Variants in MTTP observed in about 807,000 individuals in gnomAD.
The protein encoded by MTTP is microsomal triglyceride transfer protein large subunit.
In MTTP, 49 loss-of-function variants were observed where a neutral mutation model predicts 90.6. That is an observed-to-expected ratio of 0.54 (90% CI 0.43 to 0.69). The LOEUF (loss-of-function observed/expected upper bound fraction) is 0.69, where lower values mean the gene tolerates loss of function less well. Ranked by LOEUF, MTTP falls within the 30% of genes least tolerant of loss-of-function variation. The probability of loss-of-function intolerance (pLI) is 0.00; values close to 1 mark genes in which losing one functional copy is unlikely to be tolerated. For missense variants in MTTP, 945 were observed against 1,067.5 expected (o/e 0.89, Z 1.60); for synonymous variants, 347 against 384.2 (o/e 0.90, Z 1.13).
upstream of MTTP, among the ~76,000 whole-genome samples, chr4:99,571,210 A>G (rs1195311234): frequency 1.3e-5 from 2 of 151,952 alleles, no homozygotes; most frequent in Non-Finnish European, 2.9e-5. Context: ...ACTTCAAATA[A>G]ATTCATATTT....
intron 3 of MTTP, among the ~76,000 whole-genome samples, chr4:99,589,157 G>A (rs924699404): frequency 6.8e-6 from 1 of 146,242 alleles, no homozygotes; most frequent in African/African-American, 2.5e-5. Flanking sequence ...GGGTATTATG[G>A]CCATGCCTGG....
At chr4:99,588,173 T>A (rs1183792187) in intron 3 of MTTP, among the ~76,000 whole-genome samples, 1 of 152,172 alleles carries the variant, frequency 6.6e-6, no homozygotes, top group South Asian at 2.1e-4. Context: ...ATAATTTTCA[T>A]GTAGACTAAA....
intron 3 of MTTP, among the ~76,000 whole-genome samples, chr4:99,589,263 T>G (rs1292949690): frequency 6.6e-6 from 1 of 151,284 alleles, no homozygotes; most frequent in Non-Finnish European, 1.5e-5. Context: ...TGCTATTATT[T>G]TAAACCTTAG....
chr4:99,600,491 T>G (rs998631735), intron 8 of MTTP, 74 bp from the exon 9 acceptor site: 4 of 1,436,144 alleles, frequency 2.8e-6, no homozygotes, highest in Non-Finnish European at 3.9e-6. Flanking sequence ...CAATAGAAAC[T>G]CTGTGAATGG....
intron 15 of MTTP, among the ~76,000 whole-genome samples, chr4:99,618,247 T>G (rs1726144172): frequency 6.6e-6 from 1 of 152,222 alleles, no homozygotes; most frequent in South Asian, 2.1e-4. Context: ...CCTTGGATTT[T>G]GTTATACTCA....
chr4:99,582,007 T>A lies in MTTP; in HGVS notation c.164T>A (p.Val55Glu). The A allele has an allele frequency of 6.2e-7, 1 of 1,614,198 alleles. No homozygotes were observed. Among genetic ancestry groups the A allele is most frequent in the African/African-American group, 1.3e-5 (1 of 75,054 alleles). The change falls in exon 2 of 18, where the codon GTG (valine) becomes GAG (glutamate). Residue 55 changes from valine (V) to glutamate (E), a missense_variant. Physicochemically the swap from Val to Glu is moderately radical, Grantham distance 121 (BLOSUM62 -2). Transcript: ENST00000265517. ...DRGKGKLQDS[V>E]GYRISSNVDV... is the part of the protein sequence containing the mutation. ...GGCAAAGGAAAACTGCAAGACAGCG[T>A]GGGCTACCGCATTTCCTCCAACGTG... is the stretch of plus-strand genomic sequence containing the variant.
chr4:99,603,733 A>G (rs1293629433), intron 10 of MTTP, among the ~76,000 whole-genome samples: 1 of 152,112 alleles, frequency 6.6e-6, no homozygotes, highest in Non-Finnish European at 1.5e-5. Flanking sequence ...CCTTTGGGTC[A>G]CCAGGCTCAG....
chr4:99,591,802 C>T lies in MTTP; in HGVS notation c.758+12C>T, dbSNP rs754074027. ...AAAATAGTATCGAAGTAAGATAATG[C>T]TAAAATTTTTATTTTCTTTGCTATT... On this transcript the variant is annotated intron_variant, in intron 6 of 17. Coordinates refer to ENST00000265517, the MANE Select transcript of MTTP (RefSeq NM_001386140.1). 3 of 1,599,006 alleles carry T rather than the reference C, an allele frequency of 1.9e-6. No homozygotes were observed. The highest frequency in any genetic ancestry group is 2.6e-6 in the Non-Finnish European group (3 of 1,168,126).
chr4:99,621,909 T>C (rs996702621), intron 17 of MTTP, among the ~76,000 whole-genome samples: 3 of 152,248 alleles, frequency 2.0e-5, no homozygotes, highest in Non-Finnish European at 4.4e-5. Context: ...TTCATAATAG[T>C]TGACCTACGG....
At chr4:99,621,558 T>C (rs1726234846) in intron 17 of MTTP, among the ~76,000 whole-genome samples, 1 of 152,128 alleles carries the variant, frequency 6.6e-6, no homozygotes, top group South Asian at 2.1e-4. Context: ...CAGATACACA[T>C]TTACTGTCTG....
upstream of MTTP, among the ~76,000 whole-genome samples, chr4:99,572,678 G>GTAAAATA (rs1724865196): frequency 6.6e-6 from 1 of 151,928 alleles, no homozygotes; most frequent in Non-Finnish European, 1.5e-5. Context: ...CACATATTAT[G>GTAAAATA]TAAAATAGCT....
At chr4:99,566,802 A>C (rs999297773) in intron 1 of MTTP, among the ~76,000 whole-genome samples, 1 of 152,250 alleles carries the variant, frequency 6.6e-6, no homozygotes, top group African/African-American at 2.4e-5. Flanking sequence ...CTACAGACAG[A>C]ACTAGAACTT....
chr4:99,591,420 T>C (rs2110218461), intron 5 of MTTP, 69 bp downstream of exon 5: 2 of 1,282,580 alleles, frequency 1.6e-6, no homozygotes, highest in Non-Finnish European at 2.2e-6. Context: ...TTTAATGTAA[T>C]AGAAAAATAA....
At chr4:99,620,018 A>C (rs931529276) in intron 16 of MTTP, among the ~76,000 whole-genome samples, 1 of 151,438 alleles carries the variant, frequency 6.6e-6, no homozygotes, top group African/African-American at 2.4e-5. Context: ...CAACAACAGC[A>C]ACAACAACAA....
At chr4:99,610,829 T>C (rs1254725394) in intron 12 of MTTP, among the ~76,000 whole-genome samples, 1 of 152,208 alleles carries the variant, frequency 6.6e-6, no homozygotes, top group Non-Finnish European at 1.5e-5. Flanking sequence ...TATTAAACAA[T>C]AAAACCATGA....
At chr4:99,617,070 T>G (rs1479345123) in intron 15 of MTTP, among the ~76,000 whole-genome samples, 1 of 152,214 alleles carries the variant, frequency 6.6e-6, no homozygotes, top group Non-Finnish European at 1.5e-5. Context: ...GAAATAATCA[T>G]GTTTGGAGTA....
chr4:99,597,809 AT>A (rs1725595138), intron 8 of MTTP, among the ~76,000 whole-genome samples: 1 of 152,130 alleles, frequency 6.6e-6, no homozygotes, highest in Non-Finnish European at 1.5e-5. Flanking sequence ...AGTTGACTTA[AT>A]TTTTCCCCAA....
At position 99,613,118 on chromosome 4, in the gene MTTP, T is replaced by A; in HGVS notation, c.2195T>A (p.Ile732Asn). 1.2e-6 allele frequency: 2 copies of A among 1,613,820 alleles called. No individual in the cohort carries two copies. The highest frequency in any genetic ancestry group is 1.7e-6 in the Non-Finnish European group (2 of 1,179,762). Residue 732 changes from isoleucine (I) to asparagine (N), a missense_variant, in exon 15 of 18, where the codon ATT (isoleucine) becomes AAT (asparagine). Transcript: ENST00000265517. Reference protein sequence around the residue: ...GDPISVVKGLILLIDHSQELQ... With the variant: ...GDPISVVKGLNLLIDHSQELQ... ...CCTATCAGTGTGGTGAAAGGACTTA[T>A]TCTGCTAATAGATCATTCTCAGGTA...
chr4:99,582,700 A>C (rs1414561251), intron 2 of MTTP, among the ~76,000 whole-genome samples: 1 of 152,208 alleles, frequency 6.6e-6, no homozygotes, highest in Admixed American at 6.5e-5. Flanking sequence ...TAAAGATAAT[A>C]GATTCCTTGA....
Sources: allele counts gnomAD v4.1 joint callset (sites outside exome capture counted in the v4.1 genomes callset), GRCh38; gene constraint gnomAD v4.1.1; transcripts MANE v1.5; gene names NCBI Gene and HGNC (gene_info 2026-07-23, HGNC 2026-07-21).